SGCZ: variants seen among roughly 807,000 people sequenced by gnomAD.
The protein encoded by SGCZ is sarcoglycan zeta.
In SGCZ, 40 loss-of-function variants were observed where a neutral mutation model predicts 41.3. The observed-to-expected ratio is 0.97, with a 90% CI of 0.75 to 1.26. The LOEUF is 1.26. SGCZ is among the 50% of genes most tolerant of loss of function. The probability of loss-of-function intolerance (pLI) is 0.00; values close to 1 mark genes in which losing one functional copy is unlikely to be tolerated. For missense variants in SGCZ, 552 were observed against 369.8 expected (o/e 1.49, Z -4.04); for synonymous variants, 206 against 137.5 (o/e 1.50, Z -3.49).
At chr8:14,492,966 C>T (rs1222452469) in intron 2 of SGCZ, among the ~76,000 whole-genome samples, 1 of 152,078 alleles carries the variant, frequency 6.6e-6, no homozygotes, top group African/African-American at 2.4e-5. Flanking sequence ...TTTCTGTCTT[C>T]ATTGCTATCA....
intron 4 of SGCZ, among the ~76,000 whole-genome samples, chr8:14,180,706 C>CA (rs1223887924): frequency 6.6e-6 from 1 of 152,042 alleles, no homozygotes; most frequent in Admixed American, 6.6e-5. Flanking sequence ...GAAGGTTTGT[C>CA]ATGGCCTTTA....
chr8:15,103,586 G>C (rs1806699873), intron 1 of SGCZ, among the ~76,000 whole-genome samples: 1 of 152,002 alleles, frequency 6.6e-6, no homozygotes, highest in African/African-American at 2.4e-5. Flanking sequence ...TAATAAAGGA[G>C]TCTAAGCCAA....
At chr8:14,901,802 G>A (rs1798981451) in intron 1 of SGCZ, among the ~76,000 whole-genome samples, 1 of 152,078 alleles carries the variant, frequency 6.6e-6, no homozygotes, top group African/African-American at 2.4e-5. Context: ...ATTTTTGTAT[G>A]TTTCATGTGC....
intron 3 of SGCZ, among the ~76,000 whole-genome samples, chr8:14,258,332 T>C (rs1324255540): frequency 2.6e-5 from 4 of 152,134 alleles, no homozygotes; most frequent in African/African-American, 9.7e-5. Context: ...GGGCAATGTA[T>C]TAGTCCTCTG....
chr8:14,823,813 C>G (rs1031330551), intron 1 of SGCZ, among the ~76,000 whole-genome samples: 1 of 151,904 alleles, frequency 6.6e-6, no homozygotes, highest in African/African-American at 2.4e-5. Context: ...ATAGACAAGA[C>G]GGATAATCAA....
intron 5 of SGCZ, among the ~76,000 whole-genome samples, chr8:14,120,785 T>C (rs1802673608): frequency 6.6e-6 from 1 of 152,138 alleles, no homozygotes. Flanking sequence ...ATTAAAGAGA[T>C]GTTAATTATA....
intron 1 of SGCZ, among the ~76,000 whole-genome samples, chr8:14,615,831 G>A (rs1018332720): frequency 2.0e-5 from 3 of 152,114 alleles, no homozygotes; most frequent in Non-Finnish European, 2.9e-5. Flanking sequence ...ACTATTACAT[G>A]TGCAAGTGTC....
At position 15,081,801 on chromosome 8, in the gene SGCZ, G is replaced by A. The variant is rs566992980; in HGVS notation, c.39+155784C>T. Among the ~76,000 whole-genome samples the A allele has an allele frequency of 7.2e-5, 11 of 152,286 alleles. No homozygotes were observed. In the South Asian group the frequency reaches 2.1e-3, roughly 29 times the overall value. ...TAACTGGATTTATCCAGGGTTACAG[G>A]TGTGCTATGCAAGCTCAACAGAGAC... is the stretch of plus-strand genomic sequence containing the variant. On this transcript the variant is annotated intron_variant, in intron 1 of 7. Coordinates refer to ENST00000382080, the MANE Select transcript of SGCZ (RefSeq NM_139167.4).
At chr8:14,533,362 TA>T (rs1312899586) in intron 2 of SGCZ, among the ~76,000 whole-genome samples, 2 of 152,092 alleles carry the variant, frequency 1.3e-5, no homozygotes, top group Non-Finnish European at 2.9e-5. Context: ...CTTATCAAAT[TA>T]AAATATTTAA....
chr8:14,418,025 T>C (rs1799543048), intron 2 of SGCZ, among the ~76,000 whole-genome samples: 1 of 151,860 alleles, frequency 6.6e-6, no homozygotes, highest in Admixed American at 6.6e-5. Context: ...GATCCTTTTG[T>C]ACCAGTTGTT....
chr8:14,781,116 T>A (rs972106095), intron 1 of SGCZ, among the ~76,000 whole-genome samples: 18 of 152,218 alleles, frequency 1.2e-4, no homozygotes, highest in African/African-American at 4.3e-4. Context: ...ACCATCATAT[T>A]ACGTACTAAT....
At chr8:14,638,995 C>T (rs548605812) in intron 1 of SGCZ, among the ~76,000 whole-genome samples, 2 of 149,998 alleles carry the variant, frequency 1.3e-5, no homozygotes, top group Admixed American at 1.3e-4. Context: ...TACTAGAATA[C>T]GGGAGATGTA....
chr8:15,087,869 T>A (rs780719566), intron 1 of SGCZ, among the ~76,000 whole-genome samples: 1 of 152,176 alleles, frequency 6.6e-6, no homozygotes, highest in Non-Finnish European at 1.5e-5. Flanking sequence ...TAAGGCATAG[T>A]ATGCATGTAT....
At chr8:14,377,799 G>A (rs1279396567) in intron 2 of SGCZ, among the ~76,000 whole-genome samples, 15 of 151,436 alleles carry the variant, frequency 9.9e-5, no homozygotes, top group South Asian at 8.3e-4. Context: ...TTGTTCTTGC[G>A]ATAGTTTACT....
intron 5 of SGCZ, among the ~76,000 whole-genome samples, chr8:14,119,845 T>A (rs1296542208): frequency 6.6e-6 from 1 of 152,214 alleles, no homozygotes; most frequent in Non-Finnish European, 1.5e-5. Context: ...ATTGGTTCTG[T>A]TTATATGATG....
In SGCZ at chr8:14,788,356, G is replaced by A. The variant is rs577003710; in HGVS notation, c.40-233430C>T. Among the ~76,000 whole-genome samples, 4 of 152,264 alleles carry A rather than the reference G, an allele frequency of 2.6e-5. No homozygotes were observed. In the South Asian group the frequency reaches 8.3e-4, roughly 32 times the overall value. On this transcript the variant is annotated intron_variant, in intron 1 of 7. Transcript: ENST00000382080. ...CCTTGGGCGATTAATTTCTCTAAGTGTTGGCTTCCTCATTAGCCAATTAGG... is the reference window on the plus strand; with the variant it reads ...CCTTGGGCGATTAATTTCTCTAAGTATTGGCTTCCTCATTAGCCAATTAGG...
At chr8:14,679,871 G>C (rs1289752360) in intron 1 of SGCZ, among the ~76,000 whole-genome samples, 1 of 151,348 alleles carries the variant, frequency 6.6e-6, no homozygotes. Context: ...TTTTCTCTTT[G>C]ATACTATATA....
intron 4 of SGCZ, among the ~76,000 whole-genome samples, chr8:14,198,977 T>C (rs1450506140): frequency 6.6e-6 from 1 of 152,176 alleles, no homozygotes; most frequent in Non-Finnish European, 1.5e-5. Context: ...ATGATTGTGT[T>C]AACTGCACAA....
chr8:14,706,421 C>T (rs1222361685), intron 1 of SGCZ, among the ~76,000 whole-genome samples: 1 of 152,040 alleles, frequency 6.6e-6, no homozygotes, highest in African/African-American at 2.4e-5. Flanking sequence ...TTCTTAAGCT[C>T]TATAGGAATT....
Sources: allele counts gnomAD v4.1 joint callset (sites outside exome capture counted in the v4.1 genomes callset), GRCh38; gene constraint gnomAD v4.1.1; transcripts MANE v1.5; gene names NCBI Gene and HGNC (gene_info 2026-07-23, HGNC 2026-07-21).